NCBP1: variants seen among roughly 807,000 people sequenced by gnomAD.
NCBP1 encodes the protein nuclear cap binding protein subunit 1, also known as nuclear cap-binding protein subunit 1.
A neutral mutation model predicts 111.7 loss-of-function variants in NCBP1; 16 were observed. The observed-to-expected ratio is 0.14, with a 90% CI of 0.10 to 0.22. NCBP1 has a LOEUF of 0.22. Ranked by LOEUF, NCBP1 falls within the 10% of genes least tolerant of loss-of-function variation. The pLI is 1.00. For synonymous variants in NCBP1, 304 were observed against 314.3 expected (o/e 0.97, Z 0.35); for missense variants, 607 against 957.5 (o/e 0.63, Z 4.83).
chr9:97,655,560 G>A, intron 12 of NCBP1, 142 bp from the exon 13 acceptor site: 3 of 583,620 alleles, frequency 5.1e-6, no homozygotes, highest in Non-Finnish European at 8.9e-6. Flanking sequence ...GTTGGCAGAA[G>A]ATACAACTGC....
At chr9:97,652,714 A>G (rs1462783464) in intron 10 of NCBP1, among the ~76,000 whole-genome samples, 1 of 152,232 alleles carries the variant, frequency 6.6e-6, no homozygotes, top group African/African-American at 2.4e-5. Context: ...GATAGGATGT[A>G]TTAAGGTTCA....
At position 97,656,044 on chromosome 9, in the gene NCBP1, C is replaced by G. The variant is rs2131350641; in HGVS notation, c.1332C>G (p.Pro444=). 6.2e-7 allele frequency: 1 copy of G among 1,614,060 alleles called. No individual in the cohort carries two copies. Among genetic ancestry groups the G allele is most frequent in the Non-Finnish European group, 8.5e-7 (1 of 1,179,972 alleles). The change falls in exon 14 of 23, where the codon CCC becomes CCG. Residue 444 remains proline, a synonymous_variant. Transcript: ENST00000375147. ...SDCLSQDPES[P]KPKFVREVLE... Reference sequence around the variant, plus strand: ...GTCTTAGTCAAGATCCTGAAAGTCCCAAACCGAAGTTTGTAAGAGAAGTTC... The same window carrying G: ...GTCTTAGTCAAGATCCTGAAAGTCCGAAACCGAAGTTTGTAAGAGAAGTTC...
intron 10 of NCBP1, among the ~76,000 whole-genome samples, chr9:97,652,304 C>G (rs1204311208): frequency 6.6e-6 from 1 of 152,180 alleles, no homozygotes; most frequent in African/African-American, 2.4e-5. Context: ...GCCCAGCCCA[C>G]TGCATTATGT....
At chr9:97,657,927 T>TATATATATA (rs1491489861) in intron 14 of NCBP1, among the ~76,000 whole-genome samples, 6 of 93,146 alleles carry the variant, frequency 6.4e-5, no homozygotes, top group African/African-American at 2.7e-4. Flanking sequence ...TATATATATA[T>TATATATATA]TTTTTTTTTT....
At chr9:97,657,162 T>TTCA (rs1564025136) in intron 14 of NCBP1, among the ~76,000 whole-genome samples, 1 of 152,056 alleles carries the variant, frequency 6.6e-6, no homozygotes, top group African/African-American at 2.4e-5. Flanking sequence ...GAGACGGGGT[T>TTCA]TCACTGTGTT....
At chr9:97,651,502 A>G (rs543490575) in intron 10 of NCBP1, 129 bp downstream of exon 10, 1 of 836,344 alleles carries the variant, frequency 1.2e-6, no homozygotes, top group African/African-American at 1.8e-5. Flanking sequence ...CAGAATTAAT[A>G]GAAGCAAGGA....
At position 97,647,544 on chromosome 9, in the gene NCBP1, C is replaced by T; in HGVS notation, c.664C>T (p.Pro222Ser). 1 of 1,612,228 alleles carries T rather than the reference C, an allele frequency of 6.2e-7. No individual in the cohort carries two copies. The highest frequency in any genetic ancestry group is 8.5e-7 in the Non-Finnish European group (1 of 1,178,562). Residue 222 changes from proline to serine, a missense_variant, in exon 7 of 23, where the codon CCA (proline) becomes TCA (serine). Physicochemically the swap from Pro to Ser is moderately conservative, Grantham distance 74. Coordinates refer to ENST00000375147, the MANE Select transcript of NCBP1 (RefSeq NM_002486.5). The stretch of plus-strand genomic sequence containing the variant: ...GTTACAGGTATGGACTGCTGATAAA[C>T]CACATCCACAAGAAGAGGTAAATGG... Reference protein sequence around the residue: ...PMLQVWTADKPHPQEEYLDCL... With the variant: ...PMLQVWTADKSHPQEEYLDCL...
chr9:97,638,250 T>G (rs1827108865), intron 1 of NCBP1, among the ~76,000 whole-genome samples: 1 of 152,212 alleles, frequency 6.6e-6, no homozygotes, highest in Non-Finnish European at 1.5e-5. Flanking sequence ...TTCTTACCTC[T>G]TAATACTTTC....
intron 1 of NCBP1, among the ~76,000 whole-genome samples, chr9:97,637,565 A>C (rs1211007905): frequency 6.6e-6 from 1 of 152,226 alleles, no homozygotes; most frequent in Non-Finnish European, 1.5e-5. Context: ...TAACTAAAGA[A>C]AAAAATAGAA....
At chr9:97,668,072 C>T (rs1259385367) in intron 20 of NCBP1, among the ~76,000 whole-genome samples, 1 of 152,180 alleles carries the variant, frequency 6.6e-6, no homozygotes, top group African/African-American at 2.4e-5. Context: ...TAGATGGGGC[C>T]TTAGCAGTTA....
intron 15 of NCBP1, among the ~76,000 whole-genome samples, chr9:97,659,436 CCT>C (rs1255399974): frequency 6.6e-6 from 1 of 152,280 alleles, no homozygotes; most frequent in South Asian, 2.1e-4. Context: ...TGTTTCTCCA[CCT>C]CTGTCTCTGA....
intron 17 of NCBP1, 28 bp downstream of exon 17, chr9:97,662,172 A>C: frequency 6.4e-7 from 1 of 1,557,478 alleles, no homozygotes; most frequent in Non-Finnish European, 8.8e-7. Context: ...GCCTTGCTTG[A>C]GAGTTTGGAA....
In NCBP1 at chr9:97,648,163, T is replaced by C. The variant is rs1464545971; in HGVS notation, c.837T>C (p.Asp279=). 6.2e-7 allele frequency: 1 copy of C among 1,613,986 alleles called. No homozygotes were observed. The highest frequency in any genetic ancestry group is 1.3e-5 in the African/African-American group (1 of 74,898). ...TTACACCACCTCCTCACACTGAAGA[T>C]TCAGTGTACCCAATGCCAAGGGTCA... The part of the protein sequence containing the change: ...PPFTPPPHTE[D]SVYPMPRVIF... The change falls in exon 8 of 23, where the codon GAT becomes GAC. Residue 279 remains aspartate (D), a synonymous_variant. Coordinates refer to ENST00000375147, the MANE Select transcript of NCBP1 (RefSeq NM_002486.5).
intron 10 of NCBP1, among the ~76,000 whole-genome samples, chr9:97,651,841 ATTC>A (rs1336624810): frequency 6.6e-6 from 1 of 152,038 alleles, no homozygotes; most frequent in African/African-American, 2.4e-5. Context: ...ATCATCATTT[ATTC>A]TTAGAAATCT....
intron 8 of NCBP1, among the ~76,000 whole-genome samples, chr9:97,650,102 A>G (rs1223007791): frequency 6.6e-6 from 1 of 152,184 alleles, no homozygotes; most frequent in South Asian, 2.1e-4. Flanking sequence ...GCATTTTTCA[A>G]TTCATGCATG....
At position 97,654,933 on chromosome 9, in the gene NCBP1, C is replaced by A; in HGVS notation, c.1224C>A (p.Thr408=). 6.2e-7 allele frequency: 1 copy of A among 1,607,888 alleles called. No homozygotes were observed. The highest frequency in any genetic ancestry group is 1.1e-5 in the South Asian group (1 of 90,010). Residue 408 remains threonine (T), a synonymous_variant, in exon 12 of 23, where the codon ACC becomes ACA. Coordinates refer to ENST00000375147, the MANE Select transcript of NCBP1 (RefSeq NM_002486.5). ...TGCGTTTGGACACAATGAACACTAC[C>A]TGTGTAGACAGGTACAGTAATCGCT... The part of the protein sequence containing the change: ...LYMRLDTMNT[T]CVDRFINWFS...
chr9:97,655,495 G>A (rs971754518), intron 12 of NCBP1, among the ~76,000 whole-genome samples: 4 of 152,056 alleles, frequency 2.6e-5, no homozygotes, highest in Admixed American at 6.6e-5. Flanking sequence ...TTAGGTGCCC[G>A]CACAAAACAG....
chr9:97,652,820 G>A (rs1339263846), intron 10 of NCBP1, among the ~76,000 whole-genome samples: 1 of 152,152 alleles, frequency 6.6e-6, no homozygotes, highest in Admixed American at 6.6e-5. Context: ...CTGTGAACTT[G>A]GCTCAATGAC....
chr9:97,634,109 C>G (rs113719820), intron 1 of NCBP1, among the ~76,000 whole-genome samples, 194 bp downstream of exon 1: 1 of 152,240 alleles, frequency 6.6e-6, no homozygotes, highest in African/African-American at 2.4e-5. Context: ...CGCCCCAGTT[C>G]TTTGAGTCAA....
Sources: allele counts gnomAD v4.1 joint callset (sites outside exome capture counted in the v4.1 genomes callset), GRCh38; gene constraint gnomAD v4.1.1; transcripts MANE v1.5; gene names NCBI Gene and HGNC (gene_info 2026-07-23, HGNC 2026-07-21).